The following PKN2 variants were observed in gnomAD, a reference collection of about 807,000 sequenced individuals.
PKN2 encodes the protein serine/threonine-protein kinase N2.
In PKN2, 38 loss-of-function variants were observed where a neutral mutation model predicts 119.1. That is an observed-to-expected ratio of 0.32 (90% CI 0.25 to 0.42). PKN2 has a LOEUF of 0.42. Among genes scored for constraint, PKN2 ranks in the 10% least tolerant of loss-of-function variants. PKN2 has a pLI of 1.00. For synonymous variants in PKN2, 390 were observed against 384.9 expected (o/e 1.01, Z -0.15); for missense variants, 850 against 1,165.1 (o/e 0.73, Z 3.94).
In PKN2 at chr1:88,777,579, C is replaced by T. The variant is rs115257446; in HGVS notation, c.985+5700C>T. Among the ~76,000 whole-genome samples the T allele has an allele frequency of 3.0e-3, 450 of 152,260 alleles. 4 individuals carry two copies. Among genetic ancestry groups the T allele is most frequent in the African/African-American group, 0.01 (428 of 41,558 alleles). ...TTGTTTGCCTAGTAACTTTTATAAT[C>T]TATTTTGTAGAGACTATTCTTTCTC... On this transcript the variant is annotated intron_variant, in intron 6 of 21. Coordinates refer to ENST00000370521, the MANE Select transcript of PKN2 (RefSeq NM_006256.4).
chr1:88,776,866 TTTTC>T (rs137979486), intron 6 of PKN2, among the ~76,000 whole-genome samples: 2,917 of 152,286 alleles, frequency 0.019, 89 homozygotes, highest in African/African-American at 0.066. Context: ...GCTTTCAAGC[TTTTC>T]TTTGTTTTTT....
chr1:88,771,963 C>A, intron 6 of PKN2, 84 bp downstream of exon 6: 4 of 846,070 alleles, frequency 4.7e-6, no homozygotes, highest in Middle Eastern at 2.9e-4. Flanking sequence ...AAAACCTGTG[C>A]ATAGATTTTT....
Position 88,807,228 on chromosome 1 carries a change from A to G in PKN2, c.1804-85A>G, listed in dbSNP as rs998790368. ...ACTCCAACATTTATATTGACTTTTG[A>G]AATGTTTTTCCTTAATTTTATCATT... is the stretch of plus-strand genomic sequence containing the variant. On this transcript the variant is annotated intron_variant, in intron 12 of 21. Transcript: ENST00000370521. 1.7e-4 allele frequency: 159 copies of G among 952,410 alleles called. 1 individual carries two copies. Among genetic ancestry groups the G allele is most frequent in the South Asian group, 6.5e-5 (3 of 46,268 alleles). 59.0% of individuals were successfully genotyped at this position (952,410 alleles called of 1,614,324 possible). A position where few individuals can be genotyped will look rare whatever the true frequency, so the allele number is the denominator to read the frequency against.
rs553418073 is a variant in PKN2 at position 88,684,470 on chromosome 1, T to G, written c.-111T>G. The G allele has an allele frequency of 6.0e-4, 543 of 908,808 alleles. No individual in the cohort carries two copies. Among genetic ancestry groups the G allele is most frequent in the Middle Eastern group, 2.1e-3 (8 of 3,846 alleles). 56.3% of individuals were successfully genotyped at this position (908,808 alleles called of 1,614,324 possible). A position where few individuals can be genotyped will look rare whatever the true frequency, so the allele number is the denominator to read the frequency against. The stretch of plus-strand genomic sequence containing the variant: ...GCGCCTCCATGAATCCCTAGTTGTT[T>G]TTTTTTTTTTCTTTCTCTCCCCTCT... On this transcript the variant is annotated 5_prime_UTR_variant, in exon 1 of 22. Coordinates refer to ENST00000370521, the MANE Select transcript of PKN2 (RefSeq NM_006256.4).
intron 13 of PKN2, 26 bp downstream of exon 13, chr1:88,807,469 G>A (rs11809597): frequency 6.2e-6 from 10 of 1,605,336 alleles, no homozygotes; most frequent in Admixed American, 3.4e-5. Flanking sequence ...CAAATTTTGC[G>A]ACTACATGTT....
chr1:88,784,132 C>CTTTT (rs397862410), intron 6 of PKN2, among the ~76,000 whole-genome samples: 1,582 of 103,866 alleles, frequency 0.015, 63 homozygotes, highest in African/African-American at 0.054. Context: ...GATGCTGTTC[C>CTTTT]TTTTTTTTTT....
chr1:88,720,970 A>G (rs1667653123), intron 1 of PKN2, among the ~76,000 whole-genome samples: 1 of 152,042 alleles, frequency 6.6e-6, no homozygotes, highest in Non-Finnish European at 1.5e-5. Flanking sequence ...GTTCCTTTTT[A>G]TGGCTTAGTA....
intron 1 of PKN2, among the ~76,000 whole-genome samples, chr1:88,730,115 A>G (rs1668083007): frequency 6.6e-6 from 1 of 151,838 alleles, no homozygotes; most frequent in Non-Finnish European, 1.5e-5. Context: ...CAGTGAGCGG[A>G]GATTGTGCCA....
intron 2 of PKN2, among the ~76,000 whole-genome samples, chr1:88,756,856 A>G (rs1669227381): frequency 1.3e-5 from 2 of 152,286 alleles, no homozygotes; most frequent in South Asian, 4.1e-4. Context: ...CTCTGTACAC[A>G]TAATTTATTT....
Position 88,805,576 on chromosome 1 carries a change from A to C in PKN2, c.1581A>C (p.Thr527=), listed in dbSNP as rs767410746. 5 of 1,614,098 alleles carry C rather than the reference A, an allele frequency of 3.1e-6. No individual in the cohort carries two copies. Among genetic ancestry groups the C allele is most frequent in the Non-Finnish European group, 3.4e-6 (4 of 1,179,966 alleles). The change falls in exon 11 of 22, where the codon ACA becomes ACC. Residue 527 remains threonine, a synonymous_variant. Transcript: ENST00000370521. ...WGRLVRRAIP[T]VNHSGTFSPQ... is the part of the protein sequence containing the mutation. ...GGCTAGTAAGAAGAGCTATTCCTAC[A>C]GTAAATCATTCTGGCACCTTCAGCC...
Position 88,708,742 on chromosome 1 carries a change from G to A in PKN2, c.48+24114G>A, listed in dbSNP as rs948846830. Among the ~76,000 whole-genome samples the A allele has an allele frequency of 6.6e-5, 10 of 151,254 alleles. No individual in the cohort carries two copies. The East Asian group carries it at 7.8e-4, about 12-fold the overall frequency. On this transcript the variant is annotated intron_variant, in intron 1 of 21. Transcript: ENST00000370521. The stretch of plus-strand genomic sequence containing the variant: ...CTCCCACAGTGCTGGCATTGCAGGC[G>A]TGAGCCACCATGCCCGGCCCCTAAA...
At chr1:88,748,377 G>A (rs1426672691) in intron 2 of PKN2, among the ~76,000 whole-genome samples, 5 of 151,972 alleles carry the variant, frequency 3.3e-5, no homozygotes, top group African/African-American at 7.2e-5. Context: ...TTTTCCCTCC[G>A]CATATTGCCT....
At chr1:88,768,730 A>C (rs1669764276) in intron 3 of PKN2, among the ~76,000 whole-genome samples, 1 of 152,238 alleles carries the variant, frequency 6.6e-6, no homozygotes, top group Non-Finnish European at 1.5e-5. Context: ...TGTTACTGGA[A>C]CTAAGCAGAG....
At chr1:88,798,513 A>G (rs1671182438) in intron 8 of PKN2, among the ~76,000 whole-genome samples, 1 of 152,188 alleles carries the variant, frequency 6.6e-6, no homozygotes, top group African/African-American at 2.4e-5. Flanking sequence ...AACCAAGTAG[A>G]ACTAAAAAAT....
intron 7 of PKN2, among the ~76,000 whole-genome samples, chr1:88,785,730 G>A (rs1182535299): frequency 2.6e-5 from 4 of 152,206 alleles, no homozygotes; most frequent in Middle Eastern, 3.4e-3. Flanking sequence ...GAGGCTTTAA[G>A]AAAAATAAGA....
At chr1:88,778,739 A>C (rs185695516) in intron 6 of PKN2, among the ~76,000 whole-genome samples, 1 of 150,456 alleles carries the variant, frequency 6.6e-6, no homozygotes, top group Non-Finnish European at 1.5e-5. Flanking sequence ...TTCGAGACAG[A>C]GTCTCGCTCT....
At chr1:88,739,374 A>G (rs1433471782) in intron 1 of PKN2, among the ~76,000 whole-genome samples, 7 of 152,156 alleles carry the variant, frequency 4.6e-5, no homozygotes, top group Admixed American at 4.6e-4. Flanking sequence ...CTGCAGGCAC[A>G]AGGTAAATTG....
At chr1:88,765,866 G>T (rs1669649634) in intron 3 of PKN2, among the ~76,000 whole-genome samples, 2 of 152,260 alleles carry the variant, frequency 1.3e-5, no homozygotes, top group African/African-American at 2.4e-5. Flanking sequence ...GGAGTGCAGT[G>T]GTGTAATCTT....
chr1:88,709,141 C>T (rs1667121785), intron 1 of PKN2, among the ~76,000 whole-genome samples: 3 of 152,006 alleles, frequency 2.0e-5, no homozygotes, highest in Non-Finnish European at 2.9e-5. Context: ...GCAACCTCCG[C>T]TTCCCGGGTA....
Sources: gnomAD v4.1 joint callset for allele counts (sites outside exome capture counted in the v4.1 genomes callset) on GRCh38, gnomAD v4.1.1 for gene constraint, MANE v1.5 for transcripts, NCBI Gene and HGNC (gene_info 2026-07-23, HGNC 2026-07-21) for gene names.